LRRC4C: variants seen among roughly 807,000 people sequenced by gnomAD.
LRRC4C encodes the protein leucine-rich repeat-containing protein 4C.
In LRRC4C, 5 loss-of-function variants were observed where a neutral mutation model predicts 33.6. That is an observed-to-expected ratio of 0.15 (90% CI 0.08 to 0.31). LRRC4C has a LOEUF of 0.31. Among genes scored for constraint, LRRC4C ranks in the 10% least tolerant of loss-of-function variants. The probability of loss-of-function intolerance (pLI) is 1.00; values close to 1 mark genes in which losing one functional copy is unlikely to be tolerated. For missense variants in LRRC4C, 560 were observed against 796.7 expected (o/e 0.70, Z 3.58); for synonymous variants, 329 against 302.0 (o/e 1.09, Z -0.93).
chr11:41,417,254 C>A (rs1207322726), intron 1 of LRRC4C, among the ~76,000 whole-genome samples: 1 of 152,044 alleles, frequency 6.6e-6, no homozygotes, highest in Admixed American at 6.6e-5. Flanking sequence ...ATTATGACTG[C>A]AGGATACTAG....
At chr11:41,365,644 G>A (rs563815845) in intron 1 of LRRC4C, among the ~76,000 whole-genome samples, 1 of 152,034 alleles carries the variant, frequency 6.6e-6, no homozygotes, top group African/African-American at 2.4e-5. Flanking sequence ...TTTTTCATCA[G>A]GTGCCCTGGT....
intron 1 of LRRC4C, among the ~76,000 whole-genome samples, chr11:41,166,697 A>G (rs542054105): frequency 6.6e-5 from 10 of 152,352 alleles, no homozygotes; most frequent in Non-Finnish European, 1.2e-4. Context: ...TACTCAAAAG[A>G]CAAGGATTTA....
At chr11:40,887,175 C>T (rs973972900) in intron 2 of LRRC4C, among the ~76,000 whole-genome samples, 1 of 149,378 alleles carries the variant, frequency 6.7e-6, no homozygotes, top group African/African-American at 2.5e-5. Context: ...GATGAGAAAA[C>T]CTCCTTTACA....
chr11:40,464,203 C>T (rs566915069), intron 3 of LRRC4C, among the ~76,000 whole-genome samples: 3 of 151,886 alleles, frequency 2.0e-5, no homozygotes, highest in South Asian at 2.1e-4. Context: ...AATGATTCAA[C>T]GCATAAACAG....
chr11:40,375,065 A>T (rs564854200), intron 3 of LRRC4C, among the ~76,000 whole-genome samples: 1 of 152,176 alleles, frequency 6.6e-6, no homozygotes, highest in Non-Finnish European at 1.5e-5. Context: ...AGTGGAACAA[A>T]ATTTTCTCAT....
At chr11:40,512,769 T>G (rs571819842) in intron 3 of LRRC4C, among the ~76,000 whole-genome samples, 3 of 152,250 alleles carry the variant, frequency 2.0e-5, no homozygotes, top group Non-Finnish European at 4.4e-5. Flanking sequence ...TCAAGTCACT[T>G]TATCAAAATC....
At chr11:40,526,895 G>A (rs1956072524) in intron 3 of LRRC4C, among the ~76,000 whole-genome samples, 1 of 152,114 alleles carries the variant, frequency 6.6e-6, no homozygotes, top group Non-Finnish European at 1.5e-5. Context: ...GTTGGTGCAA[G>A]AATAAACAGG....
intron 3 of LRRC4C, among the ~76,000 whole-genome samples, chr11:40,480,229 C>A (rs187799451): frequency 6.6e-6 from 1 of 151,732 alleles, no homozygotes; most frequent in Admixed American, 6.6e-5. Flanking sequence ...GACTTAAAAT[C>A]TTGAAATTGA....
chr11:40,276,889 T>C (rs975708590), intron 4 of LRRC4C, among the ~76,000 whole-genome samples: 3 of 152,040 alleles, frequency 2.0e-5, no homozygotes, highest in South Asian at 2.1e-4. Flanking sequence ...TCTGGACCAA[T>C]GCCCGGAGAA....
chr11:40,561,583 T>A (rs1957552279), intron 3 of LRRC4C, among the ~76,000 whole-genome samples: 1 of 151,920 alleles, frequency 6.6e-6, no homozygotes, highest in South Asian at 2.1e-4. Context: ...CGGCTAATTT[T>A]TTGTATTTTT....
At chr11:40,552,550 C>T (rs1957167359) in intron 3 of LRRC4C, among the ~76,000 whole-genome samples, 1 of 152,144 alleles carries the variant, frequency 6.6e-6, no homozygotes. Context: ...CATGAGGGCA[C>T]TGGATGTCCA....
intron 1 of LRRC4C, among the ~76,000 whole-genome samples, chr11:41,240,166 T>C (rs1029536977): frequency 3.3e-5 from 5 of 152,166 alleles, no homozygotes; most frequent in Non-Finnish European, 4.4e-5. Context: ...AAAGGGAAAA[T>C]GGAAAACTTT....
intron 3 of LRRC4C, among the ~76,000 whole-genome samples, chr11:40,430,341 T>C (rs760955473): frequency 2.6e-4 from 40 of 151,974 alleles, no homozygotes; most frequent in Non-Finnish European, 4.7e-4. Flanking sequence ...AAAAGCAGTA[T>C]AGAAGATTGG....
chr11:40,245,813 G>A (rs1866284298), intron 4 of LRRC4C, among the ~76,000 whole-genome samples: 1 of 151,542 alleles, frequency 6.6e-6, no homozygotes, highest in Non-Finnish European at 1.5e-5. Context: ...ATTGTGCTTG[G>A]GGCTTAGTGT....
intron 2 of LRRC4C, among the ~76,000 whole-genome samples, chr11:40,881,379 T>G (rs1955167641): frequency 6.6e-6 from 1 of 152,152 alleles, no homozygotes; most frequent in Admixed American, 6.6e-5. Context: ...CATTAGCAAC[T>G]CATACACAAA....
At chr11:41,028,162 A>AT (rs200510926) in intron 1 of LRRC4C, among the ~76,000 whole-genome samples, 10 of 150,800 alleles carry the variant, frequency 6.6e-5, no homozygotes, top group Admixed American at 3.3e-4. Flanking sequence ...AGGATCATCC[A>AT]TTTTTTTTTA....
At chr11:40,785,427 A>G (rs371297118) in intron 2 of LRRC4C, among the ~76,000 whole-genome samples, 1 of 152,178 alleles carries the variant, frequency 6.6e-6, no homozygotes, top group South Asian at 2.1e-4. Context: ...ACTAAAGGGT[A>G]TTATTAGAGG....
chr11:40,244,082 G>C (rs546465994), intron 4 of LRRC4C, among the ~76,000 whole-genome samples: 2 of 152,164 alleles, frequency 1.3e-5, no homozygotes, highest in Admixed American at 1.3e-4. Flanking sequence ...TTAGAAAAAG[G>C]CAAGCGAACC....
chr11:40,270,953 G>C (rs926435188), intron 4 of LRRC4C, among the ~76,000 whole-genome samples: 5 of 152,114 alleles, frequency 3.3e-5, no homozygotes, highest in Non-Finnish European at 7.4e-5. Context: ...TCCTGAGTAA[G>C]GTGGCTAGTG....
Sources: allele counts gnomAD v4.1 joint callset (sites outside exome capture counted in the v4.1 genomes callset), GRCh38; gene constraint gnomAD v4.1.1; transcripts MANE v1.5; gene names NCBI Gene and HGNC (gene_info 2026-07-23, HGNC 2026-07-21).